LRBA: variants seen among roughly 807,000 people sequenced by gnomAD.
The protein encoded by LRBA is LPS responsive beige-like anchor protein.
In LRBA, 176 loss-of-function variants were observed where a neutral mutation model predicts 330.0. The observed-to-expected ratio is 0.53, with a 90% confidence interval of 0.47 to 0.60. The LOEUF (loss-of-function observed/expected upper bound fraction) is 0.60, where lower values mean the gene tolerates loss of function less well. Among genes scored for constraint, LRBA ranks in the 20% least tolerant of loss-of-function variants. The probability of loss-of-function intolerance (pLI) is 0.00; values close to 1 mark genes in which losing one functional copy is unlikely to be tolerated. For missense variants in LRBA, 3,259 were observed against 3,444.8 expected (o/e 0.95, Z 1.35); for synonymous variants, 1,230 against 1,193.0 (o/e 1.03, Z -0.64).
chr4:150,933,755 T>C (rs1302613949), intron 2 of LRBA, among the ~76,000 whole-genome samples: 1 of 152,146 alleles, frequency 6.6e-6, no homozygotes, highest in Non-Finnish European at 1.5e-5. Flanking sequence ...CTTATGCCTG[T>C]AATCCCAGCA....
At chr4:150,807,732 G>T (rs1177984493) in intron 32 of LRBA, among the ~76,000 whole-genome samples, 1 of 151,914 alleles carries the variant, frequency 6.6e-6, no homozygotes. Flanking sequence ...TGCAGCCTCT[G>T]CCTCCCGGGT....
chr4:150,299,895 C>T (rs531001131), intron 53 of LRBA, among the ~76,000 whole-genome samples: 1 of 152,148 alleles, frequency 6.6e-6, no homozygotes, highest in African/African-American at 2.4e-5. Context: ...TTCACCACTT[C>T]TTAAAGGTCA....
At chr4:150,788,637 A>G (rs1378022212) in intron 34 of LRBA, among the ~76,000 whole-genome samples, 1 of 151,282 alleles carries the variant, frequency 6.6e-6, no homozygotes, top group Non-Finnish European at 1.5e-5. Flanking sequence ...GCAGGTGTCT[A>G]TTAATCCCAG....
intron 34 of LRBA, among the ~76,000 whole-genome samples, chr4:150,781,852 T>G (rs1478112393): frequency 6.6e-6 from 1 of 152,176 alleles, no homozygotes. Flanking sequence ...CCTCCTTAAG[T>G]CCTCAACAGT....
intron 37 of LRBA, among the ~76,000 whole-genome samples, chr4:150,621,569 T>C (rs374452469): frequency 1.3e-5 from 2 of 152,300 alleles, no homozygotes; most frequent in African/African-American, 2.4e-5. Context: ...CTCAGTCTCC[T>C]TTTCAATAAA....
chr4:150,704,552 T>C (rs1582098587), intron 36 of LRBA, among the ~76,000 whole-genome samples: 1 of 152,240 alleles, frequency 6.6e-6, no homozygotes, highest in Non-Finnish European at 1.5e-5. Context: ...TTTAAAAGAA[T>C]TTTTGATTTC....
In LRBA at chr4:150,622,688, C is replaced by CTTTTTTTTTT. The variant is rs10528461; in HGVS notation, c.5922-23567_5922-23558dup. ...GAAGACAACAGTCACCTAAATCAAT[C>CTTTTTTTTTT]TTTTTTTTTTTTTTTTTTTTTTTTT... On this transcript the variant is annotated intron_variant, in intron 37 of 56. Coordinates refer to ENST00000651943, the MANE Select transcript of LRBA (RefSeq NM_001364905.1). 2.2e-3 allele frequency among the ~76,000 whole-genome samples: 229 copies of CTTTTTTTTTT among 105,618 alleles called. 18 individuals are homozygous for CTTTTTTTTTT. The highest frequency in any genetic ancestry group is 8.7e-3 in the African/African-American group (210 of 24,092). The allele number at this position is 105,618 out of a possible 152,430, so 69.3% of individuals were successfully genotyped here.
At chr4:150,807,399 A>G (rs548272471) in intron 32 of LRBA, among the ~76,000 whole-genome samples, 28 of 152,256 alleles carry the variant, frequency 1.8e-4, no homozygotes, top group African/African-American at 6.7e-4. Flanking sequence ...TACTAGCTAT[A>G]CTCGAAGCAC....
chr4:150,695,529 G>A (rs2126971836), intron 36 of LRBA, among the ~76,000 whole-genome samples: 1 of 152,138 alleles, frequency 6.6e-6, no homozygotes, highest in Admixed American at 6.5e-5. Context: ...TGTTGGCCAG[G>A]CTGGTCTCAA....
intron 40 of LRBA, among the ~76,000 whole-genome samples, chr4:150,496,779 T>C (rs1202204552): frequency 5.9e-5 from 9 of 152,098 alleles, no homozygotes; most frequent in African/African-American, 9.7e-5. Context: ...AGGTAATATA[T>C]ATCAATAACA....
intron 37 of LRBA, among the ~76,000 whole-genome samples, chr4:150,615,204 T>A (rs977792081): frequency 6.6e-6 from 1 of 152,180 alleles, no homozygotes; most frequent in African/African-American, 2.4e-5. Flanking sequence ...CAGAGTTAAG[T>A]AGAAATCAAA....
At chr4:150,792,973 A>G (rs1275091520) in intron 34 of LRBA, among the ~76,000 whole-genome samples, 2 of 152,012 alleles carry the variant, frequency 1.3e-5, no homozygotes, top group African/African-American at 2.4e-5. Context: ...CCAGCTACTC[A>G]GGTGGCTGAG....
chr4:150,390,182 C>G (rs1196427425), intron 47 of LRBA, among the ~76,000 whole-genome samples: 1 of 152,012 alleles, frequency 6.6e-6, no homozygotes, highest in Non-Finnish European at 1.5e-5. Flanking sequence ...TTCTGCAACT[C>G]TTATATAAAA....
Position 150,852,487 on chromosome 4 carries a change from C to A in LRBA, c.3223G>T (p.Val1075Phe). The A allele has an allele frequency of 6.2e-7, 1 of 1,613,698 alleles. No individual in the cohort carries two copies. The highest frequency in any genetic ancestry group is 8.5e-7 in the Non-Finnish European group (1 of 1,179,950). Residue 1075 changes from valine to phenylalanine, a missense_variant, in exon 23 of 57, where the codon GTC (valine) becomes TTC (phenylalanine). Coordinates refer to ENST00000651943, the MANE Select transcript of LRBA (RefSeq NM_001364905.1). Reference protein sequence around the residue: ...FITTGKDSMTVSEVTASISSP... With the variant: ...FITTGKDSMTFSEVTASISSP... The stretch of plus-strand genomic sequence containing the variant: ...CTTATAGAAGCAGTTACTTCACTGA[C>A]AGTCATTGAATCTTTGCCAGTTGTT...
At chr4:150,860,915 C>T (rs1364895206) in intron 22 of LRBA, among the ~76,000 whole-genome samples, 2 of 152,090 alleles carry the variant, frequency 1.3e-5, no homozygotes, top group African/African-American at 4.8e-5. Context: ...GCAATTTCAT[C>T]ATGTGAACAC....
intron 42 of LRBA, among the ~76,000 whole-genome samples, chr4:150,483,121 GT>G (rs1410795167): frequency 6.6e-6 from 1 of 151,904 alleles, no homozygotes; most frequent in Non-Finnish European, 1.5e-5. Flanking sequence ...TAGCACTTAC[GT>G]TTGTCTACAC....
chr4:150,585,810 A>C (rs2126420260), intron 40 of LRBA, among the ~76,000 whole-genome samples: 1 of 152,284 alleles, frequency 6.6e-6, no homozygotes, highest in Middle Eastern at 3.4e-3. Context: ...TCAGAGGAAG[A>C]AGTTTGAGAG....
intron 34 of LRBA, among the ~76,000 whole-genome samples, chr4:150,782,607 T>G (rs775525422): frequency 1.3e-5 from 2 of 152,144 alleles, no homozygotes; most frequent in African/African-American, 4.8e-5. Context: ...CCACTAACGA[T>G]CTCTAATAAT....
At chr4:150,549,066 G>A (rs1456772070) in intron 40 of LRBA, among the ~76,000 whole-genome samples, 2 of 151,888 alleles carry the variant, frequency 1.3e-5, no homozygotes, top group Non-Finnish European at 2.9e-5. Flanking sequence ...TATTCTTCTT[G>A]AATGTATTAA....
Sources: gnomAD v4.1 joint callset for allele counts (sites outside exome capture counted in the v4.1 genomes callset) on GRCh38, gnomAD v4.1.1 for gene constraint, MANE v1.5 for transcripts, NCBI Gene and HGNC (gene_info 2026-07-23, HGNC 2026-07-21) for gene names.